The following DRC8 variants were observed in gnomAD, a reference collection of about 807,000 sequenced individuals.
DRC8 encodes dynein regulatory complex protein 8.
At chr1:245,032,747 G>GC in the DRC8 span, among the ~76,000 whole-genome samples, 1 of 152,164 alleles carries the variant, frequency 6.6e-6, no homozygotes, top group Non-Finnish European at 1.5e-5. Context: ...GTAAAGGTGG[G>GC]CTGGGGCCAT....
chr1:245,112,070 TTTTG>T, the DRC8 span, among the ~76,000 whole-genome samples: 6,773 of 152,166 alleles, frequency 0.045, 532 homozygotes, highest in African/African-American at 0.15. Context: ...TATTATTTGT[TTTTG>T]TTTGTTTGTT....
At chr1:244,993,929 G>A in the DRC8 span, among the ~76,000 whole-genome samples, 3 of 148,106 alleles carry the variant, frequency 2.0e-5, no homozygotes, top group East Asian at 2.0e-4. Context: ...TCCAACACAC[G>A]AACTTTGGGG....
At chr1:245,096,197 T>G in the DRC8 span, among the ~76,000 whole-genome samples, 1 of 152,230 alleles carries the variant, frequency 6.6e-6, no homozygotes, top group African/African-American at 2.4e-5. Flanking sequence ...AGACACAGTT[T>G]CTTTCAGAAC....
the DRC8 span, chr1:244,970,821 G>T: frequency 3.0e-6 from 1 of 336,398 alleles, no homozygotes. Context: ...CATCCTGCGC[G>T]GGCTGCGCCG....
the DRC8 span, among the ~76,000 whole-genome samples, chr1:244,990,165 G>C: frequency 6.6e-6 from 1 of 152,194 alleles, no homozygotes; most frequent in African/African-American, 2.4e-5. Flanking sequence ...ATGGTGCTCT[G>C]TGTCATTCAC....
chr1:245,029,635 A>T, the DRC8 span, among the ~76,000 whole-genome samples: 1 of 142,948 alleles, frequency 7.0e-6, no homozygotes, highest in Non-Finnish European at 1.5e-5. Context: ...TCGCTCTGTC[A>T]CCCGGACTGG....
chr1:245,122,973 A>G, the DRC8 span: 2 of 152,362 alleles, frequency 1.3e-5, no homozygotes, highest in South Asian at 2.1e-4. Context: ...GGCATTTCAC[A>G]TAAACACAAT....
chr1:245,033,798 T>C, the DRC8 span, among the ~76,000 whole-genome samples: 1 of 152,130 alleles, frequency 6.6e-6, no homozygotes, highest in Non-Finnish European at 1.5e-5. Context: ...CTCGGCTCAC[T>C]GTAGCCTCTG....
chr1:245,110,552 A>G, the DRC8 span, among the ~76,000 whole-genome samples: 2 of 152,260 alleles, frequency 1.3e-5, no homozygotes, highest in African/African-American at 4.8e-5. Flanking sequence ...AAGAAATAAG[A>G]ACATTAACTC....
At chr1:244,980,040 T>TAAAAAAAA in the DRC8 span, among the ~76,000 whole-genome samples, 38 of 34,736 alleles carry the variant, frequency 1.1e-3, 5 homozygotes, top group East Asian at 3.6e-3. Flanking sequence ...CCGTCTCTAC[T>TAAAAAAAA]AAAAAAAAAA....
chr1:244,997,484 CCCT>C, the DRC8 span, among the ~76,000 whole-genome samples: 1 of 151,810 alleles, frequency 6.6e-6, no homozygotes, highest in African/African-American at 2.4e-5. Context: ...TGTTCTTTCA[CCCT>C]CATGTAAAAA....
the DRC8 span, among the ~76,000 whole-genome samples, chr1:245,110,434 A>G: frequency 2.0e-5 from 3 of 152,188 alleles, no homozygotes; most frequent in Non-Finnish European, 2.9e-5. Context: ...AAGTTGAATG[A>G]ATGTTGACTT....
the DRC8 span, among the ~76,000 whole-genome samples, chr1:245,106,407 T>G: frequency 6.6e-6 from 1 of 152,176 alleles, no homozygotes; most frequent in Non-Finnish European, 1.5e-5. Flanking sequence ...AGATAAATGA[T>G]AACAGTACAC....
chr1:245,123,963 T>C, the DRC8 span: 3 of 152,248 alleles, frequency 2.0e-5, no homozygotes, highest in Admixed American at 2.0e-4. The surrounding 1 kb of genome is among the most constrained non-coding windows in gnomAD (Gnocchi z 5.0). Context: ...GCCTGGAGTG[T>C]AGTGGCATGA....
chr1:244,994,325 G>A, the DRC8 span, among the ~76,000 whole-genome samples: 1 of 152,210 alleles, frequency 6.6e-6, no homozygotes, highest in East Asian at 1.9e-4. Flanking sequence ...GGTCTCCCAC[G>A]AATCTTATTG....
At chr1:245,073,692 A>AAT in the DRC8 span, among the ~76,000 whole-genome samples, 35 of 152,230 alleles carry the variant, frequency 2.3e-4, no homozygotes, top group South Asian at 4.1e-4. Flanking sequence ...TTCTTGCTAA[A>AAT]ATATATATAT....
At chr1:245,099,333 C>T in the DRC8 span, among the ~76,000 whole-genome samples, 4 of 152,176 alleles carry the variant, frequency 2.6e-5, no homozygotes, top group Non-Finnish European at 4.4e-5. Flanking sequence ...ATCGACATGA[C>T]GTTTGGCAAA....
the DRC8 span, among the ~76,000 whole-genome samples, chr1:245,014,959 G>A: frequency 6.6e-6 from 1 of 152,194 alleles, no homozygotes; most frequent in Non-Finnish European, 1.5e-5. Flanking sequence ...AAAATGATGA[G>A]TAGTTATGTT....
the DRC8 span, among the ~76,000 whole-genome samples, chr1:244,982,091 C>G: frequency 2.0e-5 from 3 of 152,130 alleles, no homozygotes; most frequent in Admixed American, 1.3e-4. Flanking sequence ...AAGGTGGAGA[C>G]TCTATTTAAG....
Sources: gnomAD v4.1 joint callset for allele counts (sites outside exome capture counted in the v4.1 genomes callset) on GRCh38, gnomAD v4.1.1 for gene constraint, Gnocchi (gnomAD v3.1) non-coding constraint, MANE v1.5 for transcripts, NCBI Gene and HGNC (gene_info 2026-07-23, HGNC 2026-07-21) for gene names.